RIBC1: variants seen among roughly 807,000 people sequenced by gnomAD.
The protein encoded by RIBC1 is RIB43A-like with coiled-coils protein 1.
In RIBC1, 12 loss-of-function variants were observed where a neutral mutation model predicts 33.7. That is an observed-to-expected ratio of 0.36 (90% CI 0.23 to 0.58). The LOEUF is 0.58. Among genes scored for constraint, RIBC1 ranks in the 20% least tolerant of loss-of-function variants. The pLI is 0.81. For missense variants in RIBC1, 242 were observed against 311.6 expected, an observed-to-expected ratio of 0.78 and a Z score of 1.68; for synonymous variants, 89 against 109.0, an observed-to-expected ratio of 0.82 and a Z score of 1.14.
chrX:53,431,049 CAA>C lies in RIBC1; in HGVS notation c.*63_*64del. 12 of 1,206,070 alleles carry C rather than the reference CAA, an allele frequency of 9.9e-6. No individual in the cohort carries two copies. The highest frequency in any genetic ancestry group is 1.3e-5 in the Non-Finnish European group (12 of 892,272). ...ATCAAGCTCACAGGTGGTTAGGAGT[CAA>C]AGAGAAAAATGCTGCATACTCCCAC... On this transcript the variant is annotated 3_prime_UTR_variant, in exon 8 of 8. Coordinates refer to ENST00000375327, the MANE Select transcript of RIBC1 (RefSeq NM_001031745.5).
intron 5 of RIBC1, 42 bp downstream of exon 5, chrX:53,428,669 G>A: frequency 8.3e-7 from 1 of 1,202,757 alleles, no homozygotes; most frequent in Non-Finnish European, 1.1e-6. Context: ...CTGAGGCCTA[G>A]TGGGGATCTG....
Position 53,428,423 on chromosome X carries a change from T to C in RIBC1, c.340T>C (p.Trp114Arg), listed in dbSNP as rs1556893581. The change falls in exon 5 of 8, where the codon TGG becomes CGG. Residue 114 changes from tryptophan (W) to arginine (R), a missense_variant. Transcript: ENST00000375327. ...QLKNGREFSLWDPGQVWKGLP... is the reference protein window; with the variant it reads ...QLKNGREFSLRDPGQVWKGLP... ...CAAGAACGGGCGTGAATTTAGTCTT[T>C]GGGATCCAGGCCAAGTCTGGAAGGG... is the stretch of plus-strand genomic sequence containing the variant. 1 of 1,210,999 alleles carries C rather than the reference T, an allele frequency of 8.3e-7. No homozygotes were observed. Among genetic ancestry groups the C allele is most frequent in the Non-Finnish European group, 1.1e-6 (1 of 895,023 alleles).
In RIBC1 at chrX:53,427,395, G is replaced by A. The variant is rs781798311; in HGVS notation, c.118-608G>A. ...CAGTGCATAGTGCCTGCCGTAAGAA[G>A]TTGGCTAGGGTATTAGTGTTCTGAT... is the stretch of plus-strand genomic sequence containing the variant. On this transcript the variant is annotated intron_variant, in intron 3 of 7. Transcript: ENST00000375327. Among the ~76,000 whole-genome samples, 10 of 112,202 alleles carry A rather than the reference G, an allele frequency of 8.9e-5. No individual in the cohort carries two copies. The East Asian group carries it at 2.8e-3, about 32-fold the overall frequency.
rs782662385 is a variant in RIBC1 at position 53,430,631 on chromosome X, G to A, written c.899G>A (p.Arg300His). 10 of 1,204,011 alleles carry A rather than the reference G, an allele frequency of 8.3e-6. No individual in the cohort carries two copies. Among genetic ancestry groups the A allele is most frequent in the Admixed American group, 2.2e-5 (1 of 44,956 alleles). ...EVQRSKKQAH[R>H]QAEKTLDTEW... ...CAACGCTCTAAGAAGCAAGCACACC[G>A]TCAGGCTGAGAAAACACTGGATACT... Residue 300 changes from arginine to histidine, a missense_variant, in exon 7 of 8, where the codon CGT becomes CAT. Coordinates refer to ENST00000375327, the MANE Select transcript of RIBC1 (RefSeq NM_001031745.5).
chrX:53,428,715 TGTG>T, intron 5 of RIBC1, 88 bp downstream of exon 5: 1 of 1,159,662 alleles, frequency 8.6e-7, no homozygotes, highest in Non-Finnish European at 1.2e-6. Flanking sequence ...GGACCAGAAC[TGTG>T]TGGGGAGGTC....
At chrX:53,423,758 T>G (rs1255948088) in intron 2 of RIBC1, among the ~76,000 whole-genome samples, 1 of 111,782 alleles carries the variant, frequency 8.9e-6, no homozygotes, top group East Asian at 2.8e-4. Context: ...GAAAGAGTCC[T>G]AAAGACTTAG....
At chrX:53,424,650 C>T (rs1213363539) in intron 2 of RIBC1, among the ~76,000 whole-genome samples, 10 of 107,394 alleles carry the variant, frequency 9.3e-5, no homozygotes, top group East Asian at 3.0e-4. Flanking sequence ...CGTGAGCCAC[C>T]GCGCCCGGCC....
rs781969175 is a variant in RIBC1 at position 53,430,887 on chromosome X, C to T, written c.1059-20C>T. 7 of 1,208,789 alleles carry T rather than the reference C, an allele frequency of 5.8e-6. No individual in the cohort carries two copies. The African/African-American group carries it at 1.2e-4, about 21-fold the overall frequency. Reference sequence around the variant, plus strand: ...GAGAGGGAAAGCATGTCAGCTGAGACCTCTGGACTTCTTTCACAGGCAGGA... The same window carrying T: ...GAGAGGGAAAGCATGTCAGCTGAGATCTCTGGACTTCTTTCACAGGCAGGA... On this transcript the variant is annotated intron_variant, in intron 7 of 7. Coordinates refer to ENST00000375327, the MANE Select transcript of RIBC1 (RefSeq NM_001031745.5).
At position 53,428,538 on chromosome X, in the gene RIBC1, G is replaced by T. The variant is rs782393085; in HGVS notation, c.455G>T (p.Arg152Leu). ...FSGEDLDRDTRLRMQQGQFRY... is the reference protein window; with the variant it reads ...FSGEDLDRDTLLRMQQGQFRY... ...GGGGAAGACCTAGACAGGGACACACGGCTGAGAATGCAGCAGGGGCAGTTC... is the reference window on the plus strand; with the variant it reads ...GGGGAAGACCTAGACAGGGACACACTGCTGAGAATGCAGCAGGGGCAGTTC... The change falls in exon 5 of 8, where the codon CGG becomes CTG. Residue 152 changes from arginine to leucine, a missense_variant. Physicochemically the swap from Arg to Leu is moderately radical, Grantham distance 102. Transcript: ENST00000375327. 2 of 1,209,820 alleles carry T rather than the reference G, an allele frequency of 1.7e-6. No individual in the cohort carries two copies. The highest frequency in any genetic ancestry group is 3.5e-5 in the African/African-American group (2 of 57,751).
At chrX:53,429,601 C>T in intron 5 of RIBC1, 1 of 811,738 alleles carries the variant, frequency 1.2e-6, no homozygotes, top group Non-Finnish European at 1.6e-6. Flanking sequence ...AATGATTTAC[C>T]CAAAATCACA....
intron 3 of RIBC1, among the ~76,000 whole-genome samples, chrX:53,427,039 C>T (rs184939863): frequency 2.7e-4 from 30 of 112,360 alleles, no homozygotes; most frequent in Middle Eastern, 4.6e-3. Context: ...GAAACTTAAC[C>T]AGGCTGAGAG....
chrX:53,430,826 AAGGGAGGGAGAGG>A, intron 7 of RIBC1, 36 bp downstream of exon 7: 2 of 1,206,939 alleles, frequency 1.7e-6, no homozygotes, highest in Non-Finnish European at 2.2e-6. Flanking sequence ...GATAAATGCC[AAGGGAGGGAGAGG>A]AGGGATGGTG....
Position 53,429,879 on chromosome X carries a change from C to T in RIBC1, c.570C>T (p.Leu190=), listed in dbSNP as rs782025235. ...YTDALSNQLR[L]AMDAQATHLA... ...ATGCGCTCAGTAACCAGCTGCGCCT[C>T]GCCATGGATGCACAGGCCACCCATC... Residue 190 remains leucine, a synonymous_variant, in exon 6 of 8, where the codon CTC becomes CTT. Transcript: ENST00000375327. 30 of 1,201,922 alleles carry T rather than the reference C, an allele frequency of 2.5e-5. No individual in the cohort carries two copies. Among genetic ancestry groups the T allele is most frequent in the Middle Eastern group, 2.3e-4 (1 of 4,337 alleles).
At chrX:53,428,169 C>T in intron 4 of RIBC1, 85 bp downstream of exon 4, 1 of 1,199,868 alleles carries the variant, frequency 8.3e-7, no homozygotes, top group Non-Finnish European at 1.1e-6. Flanking sequence ...CCTCTGTGGC[C>T]TGAGGCCCTG....
intron 1 of RIBC1, 65 bp from the exon 2 acceptor site, chrX:53,423,249 C>A (rs1241333246): frequency 8.3e-6 from 1 of 120,259 alleles, no homozygotes; most frequent in Non-Finnish European, 1.7e-5. Context: ...GGGATACAGG[C>A]TGGGGAAGGC....
At position 53,428,610 on chromosome X, in the gene RIBC1, T is replaced by C; in HGVS notation, c.527T>C (p.Val176Ala). The change falls in exon 5 of 8, where the codon GTT (valine) becomes GCT (alanine). Residue 176 changes from valine to alanine, a missense_variant. Coordinates refer to ENST00000375327, the MANE Select transcript of RIBC1 (RefSeq NM_001031745.5). ...CAGCAGGAGCAACAGCAAGCCAAGG[T>C]TGATGAGAATTATACAGGTAAGCAG... ...RQQQEQQQAK[V>A]DENYTDALSN... 8.3e-7 allele frequency: 1 copy of C among 1,210,099 alleles called. No individual in the cohort carries two copies. The highest frequency in any genetic ancestry group is 1.1e-6 in the Non-Finnish European group (1 of 894,965).
intron 2 of RIBC1, among the ~76,000 whole-genome samples, chrX:53,423,930 T>A (rs1165472327): frequency 9.0e-6 from 1 of 110,600 alleles, no homozygotes; most frequent in African/African-American, 3.3e-5. Flanking sequence ...AATTAAAAAA[T>A]TAGCTGGGTG....
chrX:53,426,685 G>T (rs2075793870), intron 3 of RIBC1, among the ~76,000 whole-genome samples: 1 of 111,798 alleles, frequency 8.9e-6, no homozygotes, highest in African/African-American at 3.3e-5. Flanking sequence ...AGCTAAAAGA[G>T]GCCTAAAGAA....
chrX:53,426,246 G>C (rs1180696619), intron 2 of RIBC1, 31 bp from the exon 3 acceptor site: 16 of 1,007,362 alleles, frequency 1.6e-5, no homozygotes, highest in Non-Finnish European at 2.1e-5. Flanking sequence ...GGTCGGCACT[G>C]ATGGGCCATT....
Sources: gnomAD v4.1 joint callset for allele counts (sites outside exome capture counted in the v4.1 genomes callset) on GRCh38, gnomAD v4.1.1 for gene constraint, MANE v1.5 for transcripts, NCBI Gene and HGNC (gene_info 2026-07-23, HGNC 2026-07-21) for gene names.